The following PDE10A variants were observed in gnomAD, a reference collection of about 807,000 sequenced individuals.
PDE10A encodes phosphodiesterase 10A, also known as cAMP and cAMP-inhibited cGMP 3',5'-cyclic phosphodiesterase 10A.
A neutral mutation model predicts 97.7 loss-of-function variants in PDE10A; 39 were observed. The ratio of observed to expected loss-of-function variants is 0.40; its 90% CI spans 0.31 to 0.52. PDE10A has a LOEUF of 0.52. Ranked by LOEUF, PDE10A falls within the 20% of genes least tolerant of loss-of-function variation. The pLI, the probability that PDE10A is intolerant of heterozygous loss-of-function variation, is 0.56. For synonymous variants in PDE10A, 371 were observed against 376.8 expected (o/e 0.98, Z 0.18); for missense variants, 731 against 1,047.8 (o/e 0.70, Z 4.17).
chr6:165,980,632 T>C lies in PDE10A; in HGVS notation c.-615+6897A>G, dbSNP rs549241793. On this transcript the variant is annotated intron_variant, in intron 1 of 19. Coordinates refer to the PDE10A transcript ENST00000366882. ...GGGATGTTACATATATCACCCTGCA[T>C]GTGCTCAGGAAATTTCTGGTTGGCT... is the stretch of plus-strand genomic sequence containing the variant. Among the ~76,000 whole-genome samples the C allele has an allele frequency of 1.2e-4, 19 of 152,352 alleles. No homozygotes were observed. The East Asian group carries it at 2.3e-3, about 19-fold the overall frequency.
chr6:165,552,303 C>A (rs1320930685), intron 1 of PDE10A, among the ~76,000 whole-genome samples: 1 of 152,206 alleles, frequency 6.6e-6, no homozygotes, highest in Non-Finnish European at 1.5e-5. Context: ...CACAGCAGAC[C>A]TGACAGTGCT....
Position 165,331,218 on chromosome 6 carries a change from A to G in PDE10A, c.*1807T>C, listed in dbSNP as rs1251715348. 1 of 152,062 alleles carries G rather than the reference A, an allele frequency of 6.6e-6. No individual in the cohort carries two copies. Among genetic ancestry groups the G allele is most frequent in the Non-Finnish European group, 1.5e-5 (1 of 68,002 alleles). 9.4% of individuals were successfully genotyped at this position (152,062 alleles called of 1,614,324 possible). A position where few individuals can be genotyped will look rare whatever the true frequency, so the allele number is the denominator to read the frequency against. ...TGTTCTACATATATTACATCCATCCATATATATATGTGTGTGTATATATCT... is the reference window on the plus strand; with the variant it reads ...TGTTCTACATATATTACATCCATCCGTATATATATGTGTGTGTATATATCT... On this transcript the variant is annotated 3_prime_UTR_variant, in exon 22 of 22. Coordinates refer to ENST00000539869, the MANE Select transcript of PDE10A (RefSeq NM_001385079.1).
At chr6:165,472,145 T>C (rs1185808496) in intron 3 of PDE10A, among the ~76,000 whole-genome samples, 1 of 152,136 alleles carries the variant, frequency 6.6e-6, no homozygotes, top group Non-Finnish European at 1.5e-5. Flanking sequence ...AGGTGGTCTT[T>C]TCCTAATTTT....
chr6:165,485,249 A>G (rs573609333), intron 2 of PDE10A, among the ~76,000 whole-genome samples: 8 of 152,168 alleles, frequency 5.3e-5, no homozygotes, highest in African/African-American at 1.9e-4. Context: ...AGGCGGATGG[A>G]TCACGAGGTC....
chr6:165,617,101 G>T (rs995321954), intron 1 of PDE10A, among the ~76,000 whole-genome samples: 1 of 152,176 alleles, frequency 6.6e-6, no homozygotes, highest in African/African-American at 2.4e-5. Context: ...CTCCTGTGTA[G>T]TTACCTTTAA....
chr6:165,823,937 T>A (rs1779653567), intron 1 of PDE10A, among the ~76,000 whole-genome samples: 2 of 152,236 alleles, frequency 1.3e-5, no homozygotes, highest in African/African-American at 4.8e-5. Context: ...ATGTCCTAAT[T>A]CACAGAGGGC....
At chr6:165,526,050 TGAAGAAGGACCCCA>T (rs1782424960) in intron 2 of PDE10A, among the ~76,000 whole-genome samples, 1 of 152,168 alleles carries the variant, frequency 6.6e-6, no homozygotes, top group Non-Finnish European at 1.5e-5. Flanking sequence ...CGGGTCCCCT[TGAAGAAGGACCCCA>T]CTATATTACC....
intron 1 of PDE10A, among the ~76,000 whole-genome samples, chr6:165,601,636 G>A (rs1211950121): frequency 1.9e-4 from 29 of 152,104 alleles, no homozygotes; most frequent in Admixed American, 1.5e-3. Flanking sequence ...TGAAGTTTTC[G>A]TGTTAAGAAC....
chr6:165,641,253 A>G (rs1789118908), intron 1 of PDE10A, among the ~76,000 whole-genome samples: 1 of 152,226 alleles, frequency 6.6e-6, no homozygotes, highest in Non-Finnish European at 1.5e-5. Flanking sequence ...ATTTATCTTT[A>G]GAAAGACAAA....
At chr6:165,551,929 C>T (rs780072597) in intron 1 of PDE10A, among the ~76,000 whole-genome samples, 1 of 152,054 alleles carries the variant, frequency 6.6e-6, no homozygotes, top group Non-Finnish European at 1.5e-5. Flanking sequence ...GCCACTTAGC[C>T]CTATGCTTCC....
chr6:165,859,498 AG>A (rs1009960271), intron 1 of PDE10A, among the ~76,000 whole-genome samples: 4 of 152,124 alleles, frequency 2.6e-5, no homozygotes, highest in Non-Finnish European at 5.9e-5. Context: ...ATTTATTATA[AG>A]GGATATTACA....
chr6:165,462,017 C>T (rs1778355957), intron 3 of PDE10A, among the ~76,000 whole-genome samples: 1 of 152,232 alleles, frequency 6.6e-6, no homozygotes, highest in African/African-American at 2.4e-5. Flanking sequence ...CTTTGGGCTA[C>T]AGGCCAATCA....
chr6:165,895,719 G>A lies in PDE10A; in HGVS notation c.-615+91810C>T, dbSNP rs1257400121. ...CCCCACCCCTAGTTCCTGCTCTCAT[G>A]TGTGTCTTTCCTGAATTACCAAAAC... On this transcript the variant is annotated intron_variant, in intron 1 of 19. Transcript: ENST00000366882. 9.9e-5 allele frequency among the ~76,000 whole-genome samples: 15 copies of A among 152,138 alleles called. 1 individual carries two copies. Among genetic ancestry groups the A allele is most frequent in the Admixed American group, 9.2e-4 (14 of 15,274 alleles).
chr6:165,395,101 G>A (rs1381532143), intron 15 of PDE10A, 80 bp downstream of exon 15: 15 of 768,186 alleles, frequency 2.0e-5, no homozygotes, highest in Middle Eastern at 2.4e-4. Flanking sequence ...AACAAAGATC[G>A]TGGTGAGGCA....
chr6:165,532,126 C>T (rs905570393), intron 2 of PDE10A, among the ~76,000 whole-genome samples: 4 of 152,022 alleles, frequency 2.6e-5, no homozygotes, highest in Non-Finnish European at 5.9e-5. Context: ...CTCTGCTTTC[C>T]GTGAAACTGG....
intron 1 of PDE10A, among the ~76,000 whole-genome samples, chr6:165,705,131 G>A (rs1791675819): frequency 6.6e-6 from 1 of 152,264 alleles, no homozygotes; most frequent in Non-Finnish European, 1.5e-5. Context: ...AGCATGGAAT[G>A]GGTGAAGCCT....
At position 165,662,238 on chromosome 6, in the gene PDE10A, G is replaced by T; in HGVS notation, c.574C>A (p.Arg192=). 5.8e-6 allele frequency: 1 copy of T among 173,508 alleles called. No individual in the cohort carries two copies. Among genetic ancestry groups the T allele is most frequent in the East Asian group, 1.8e-4 (1 of 5,482 alleles). 10.7% of individuals were successfully genotyped at this position (173,508 alleles called of 1,614,324 possible). A position where few individuals can be genotyped will look rare whatever the true frequency, so the allele number is the denominator to read the frequency against. ...RGGGGSGGGR[R]RLFLSPALQG... ...AGCGCAGGCGAGAGGAAGAGCCGCC[G>T]CCGCCCGCCGCCGCTGCCACCGCCG... Residue 192 remains arginine, a synonymous_variant, in exon 1 of 22, where the codon CGG becomes AGG. Transcript: ENST00000539869.
intron 18 of PDE10A, among the ~76,000 whole-genome samples, chr6:165,359,025 T>C (rs1294111423): frequency 2.0e-5 from 3 of 151,962 alleles, no homozygotes; most frequent in Non-Finnish European, 4.4e-5. Flanking sequence ...ATAGAATATA[T>C]AGAACTATAA....
chr6:165,661,977 G>T lies in PDE10A; in HGVS notation c.835C>A (p.Arg279=). The T allele has an allele frequency of 2.4e-6, 3 of 1,272,784 alleles. No individual in the cohort carries two copies. The South Asian group carries it at 3.9e-5, about 17-fold the overall frequency. The allele number at this position is 1,272,784 out of a possible 1,614,324, so 78.8% of individuals were successfully genotyped here. Residue 279 remains arginine, a synonymous_variant, in exon 1 of 22, where the codon CGA becomes AGA. Transcript: ENST00000539869. This position sits in a 1 kb window ranked among gnomAD's most constrained non-coding sequence, Gnocchi z 4.8. ...CTCAGGAAGCACTCGGTCAGCCTTC[G>T]GAAGCAGCTCGCATTATTAGAAGGT... ...DGPSNNASCF[R]RLTECFLSPS... is the part of the protein sequence containing the mutation.
Sources: gnomAD v4.1 joint callset for allele counts (sites outside exome capture counted in the v4.1 genomes callset) on GRCh38, gnomAD v4.1.1 for gene constraint, Gnocchi (gnomAD v3.1) non-coding constraint, MANE v1.5 for transcripts, NCBI Gene and HGNC (gene_info 2026-07-23, HGNC 2026-07-21) for gene names.